The following PDLIM5 variants were observed in gnomAD, a reference collection of about 807,000 sequenced individuals.
The protein encoded by PDLIM5 is PDZ and LIM domain 5.
A neutral mutation model predicts 64.2 loss-of-function variants in PDLIM5; 34 were observed. The observed-to-expected ratio is 0.53, with a 90% CI of 0.40 to 0.71. PDLIM5 has a LOEUF of 0.71. Among genes scored for constraint, PDLIM5 ranks in the 30% least tolerant of loss-of-function variants. PDLIM5 has a pLI of 0.00. For synonymous variants in PDLIM5, 253 were observed against 269.1 expected (o/e 0.94, Z 0.59); for missense variants, 683 against 733.6 (o/e 0.93, Z 0.80).
intron 3 of PDLIM5, among the ~76,000 whole-genome samples, chr4:94,565,485 C>A (rs1200260831): frequency 6.6e-6 from 1 of 152,144 alleles, no homozygotes; most frequent in East Asian, 1.9e-4. Flanking sequence ...TAGCATGTCA[C>A]CATCGATAGT....
At chr4:94,455,138 G>T in intron 1 of PDLIM5, 109 bp from the exon 2 acceptor site, 1 of 545,870 alleles carries the variant, frequency 1.8e-6, no homozygotes. Context: ...ACTTAATTAA[G>T]ACTTATCTTC....
intron 2 of PDLIM5, among the ~76,000 whole-genome samples, chr4:94,480,225 A>G (rs1456503043): frequency 6.6e-6 from 1 of 152,220 alleles, no homozygotes; most frequent in East Asian, 1.9e-4. Context: ...AATTTTTTCT[A>G]AAAAGTAAGA....
chr4:94,660,056 C>T (rs1281213603), intron 11 of PDLIM5, among the ~76,000 whole-genome samples: 5 of 150,312 alleles, frequency 3.3e-5, no homozygotes, highest in South Asian at 2.1e-4. Flanking sequence ...TCACCACTCC[C>T]GGCTAATATT....
In PDLIM5 at chr4:94,666,143, A is replaced by G; in HGVS notation, c.*2076A>G. The G allele has an allele frequency of 1.3e-6, 1 of 766,184 alleles. No homozygotes were observed. The highest frequency in any genetic ancestry group is 2.1e-6 in the Non-Finnish European group (1 of 483,528). The allele number at this position is 766,184 out of a possible 1,614,324, so 47.5% of individuals were successfully genotyped here. On this transcript the variant is annotated 3_prime_UTR_variant, in exon 13 of 13. Transcript: ENST00000317968. ...TGCCCCATCACTCACTTACGACATCACTTCCATTGTGTGCATGTTTGTTAT... is the reference window on the plus strand; with the variant it reads ...TGCCCCATCACTCACTTACGACATCGCTTCCATTGTGTGCATGTTTGTTAT...
intron 3 of PDLIM5, among the ~76,000 whole-genome samples, chr4:94,551,504 A>G (rs980644695): frequency 5.9e-5 from 9 of 152,146 alleles, no homozygotes; most frequent in African/African-American, 1.9e-4. Context: ...ACTGGGTTTC[A>G]TCGTCAAAGA....
intron 2 of PDLIM5, among the ~76,000 whole-genome samples, chr4:94,498,996 A>T (rs978157665): frequency 2.0e-5 from 3 of 152,222 alleles, no homozygotes; most frequent in Admixed American, 2.0e-4. Flanking sequence ...TGTGAATCAC[A>T]AATTATTTTA....
chr4:94,599,556 A>G (rs767187259), intron 7 of PDLIM5, among the ~76,000 whole-genome samples: 8 of 152,212 alleles, frequency 5.3e-5, no homozygotes, highest in Non-Finnish European at 1.2e-4. Context: ...TTTGGAGTGC[A>G]TGCTGATATA....
intron 7 of PDLIM5, among the ~76,000 whole-genome samples, chr4:94,607,017 A>C (rs1272485190): frequency 6.6e-6 from 1 of 152,246 alleles, no homozygotes; most frequent in Non-Finnish European, 1.5e-5. Context: ...TTTGGCCAGC[A>C]TGCCGTGGTT....
Position 94,630,477 on chromosome 4 carries a change from C to T in PDLIM5, c.1109-9799C>T, listed in dbSNP as rs191056031. Among the ~76,000 whole-genome samples, 85 of 152,132 alleles carry T rather than the reference C, an allele frequency of 5.6e-4. No individual in the cohort carries two copies. The East Asian group carries it at 0.011, about 19-fold the overall frequency. On this transcript the variant is annotated intron_variant, in intron 8 of 12. Coordinates refer to ENST00000317968, the MANE Select transcript of PDLIM5 (RefSeq NM_006457.5). ...GCAACCTCTGCCTCCTGGGTTCAAGCGATTCTCCTGCCTCGGCCTAACAGT... is the reference window on the plus strand; with the variant it reads ...GCAACCTCTGCCTCCTGGGTTCAAGTGATTCTCCTGCCTCGGCCTAACAGT...
chr4:94,629,178 A>G (rs1201711446), intron 8 of PDLIM5, among the ~76,000 whole-genome samples: 1 of 152,008 alleles, frequency 6.6e-6, no homozygotes, highest in Non-Finnish European at 1.5e-5. Flanking sequence ...GTGAAACCCG[A>G]TCTCTATTAA....
chr4:94,462,715 A>G (rs1490463622), intron 2 of PDLIM5, among the ~76,000 whole-genome samples: 1 of 152,164 alleles, frequency 6.6e-6, no homozygotes, highest in African/African-American at 2.4e-5. Flanking sequence ...GGGTGTATGC[A>G]TTTGTAATTT....
At chr4:94,568,519 T>C (rs1734531490) in intron 3 of PDLIM5, among the ~76,000 whole-genome samples, 1 of 152,180 alleles carries the variant, frequency 6.6e-6, no homozygotes, top group Non-Finnish European at 1.5e-5. Context: ...TTATGTAATC[T>C]CTTCATTCTT....
At chr4:94,468,233 G>C (rs540589659) in intron 2 of PDLIM5, among the ~76,000 whole-genome samples, 2 of 152,184 alleles carry the variant, frequency 1.3e-5, no homozygotes, top group African/African-American at 2.4e-5. Flanking sequence ...GCTCCATGCA[G>C]CCTTGAACTC....
At chr4:94,564,654 C>G (rs62316470) in intron 3 of PDLIM5, among the ~76,000 whole-genome samples, 25 of 71,958 alleles carry the variant, frequency 3.5e-4, no homozygotes, top group Non-Finnish European at 6.3e-4. Context: ...GGAATTTTGT[C>G]TCTTTTTTTT....
intron 3 of PDLIM5, among the ~76,000 whole-genome samples, chr4:94,525,951 C>A (rs2555207): frequency 0.98 from 149,314 of 152,330 alleles, 73,240 homozygotes; most frequent in East Asian, 1. Flanking sequence ...TTACTAATCA[C>A]ATGAAAGTAA....
chr4:94,656,649 T>A (rs186935057), intron 10 of PDLIM5, among the ~76,000 whole-genome samples: 112 of 150,724 alleles, frequency 7.4e-4, no homozygotes, highest in Non-Finnish European at 1.4e-3. Context: ...TTATTTATTT[T>A]TTTGAGACGG....
intron 2 of PDLIM5, among the ~76,000 whole-genome samples, chr4:94,469,609 G>T (rs1200747930): frequency 6.6e-6 from 1 of 152,182 alleles, no homozygotes; most frequent in East Asian, 1.9e-4. Flanking sequence ...TAATGAGGAG[G>T]ATAACATTGG....
intron 3 of PDLIM5, among the ~76,000 whole-genome samples, chr4:94,564,678 C>T (rs573078121): frequency 4.8e-3 from 139 of 28,908 alleles, no homozygotes; most frequent in African/African-American, 0.038. Flanking sequence ...TTTTTTTTGA[C>T]AGAGTCTTGC....
intron 2 of PDLIM5, among the ~76,000 whole-genome samples, chr4:94,491,133 T>G (rs1420990542): frequency 6.6e-6 from 1 of 152,158 alleles, no homozygotes; most frequent in Non-Finnish European, 1.5e-5. Flanking sequence ...CACTGTTTCA[T>G]TGTGGGAAAA....
Sources: gnomAD v4.1 joint callset for allele counts (sites outside exome capture counted in the v4.1 genomes callset) on GRCh38, gnomAD v4.1.1 for gene constraint, MANE v1.5 for transcripts, NCBI Gene and HGNC (gene_info 2026-07-23, HGNC 2026-07-21) for gene names.